The following GPC5 variants were observed in gnomAD, a reference collection of about 807,000 sequenced individuals.
GPC5 encodes the protein glypican-5.
A neutral mutation model predicts 53.9 loss-of-function variants in GPC5; 47 were observed. The observed-to-expected ratio is 0.87, with a 90% CI of 0.69 to 1.11. The LOEUF (loss-of-function observed/expected upper bound fraction) is 1.11. Ranked by LOEUF, GPC5 falls within the 50% of genes most tolerant of loss-of-function variation. The pLI is 0.00. For synonymous variants in GPC5, 286 were observed against 263.3 expected (o/e 1.09, Z -0.84); for missense variants, 748 against 713.1 (o/e 1.05, Z -0.56).
chr13:91,477,316 T>C (rs914225578), intron 2 of GPC5, among the ~76,000 whole-genome samples: 1 of 152,120 alleles, frequency 6.6e-6, no homozygotes, highest in African/African-American at 2.4e-5. Flanking sequence ...GGTAAAATTT[T>C]CAGGGTTTGG....
chr13:91,712,312 GTATATGTGTGTGTGTGTATATA>G (rs1447609793), intron 3 of GPC5, among the ~76,000 whole-genome samples: 6 of 151,426 alleles, frequency 4.0e-5, no homozygotes, highest in Non-Finnish European at 7.4e-5. Flanking sequence ...GTGTGTGTGT[GTATATGTGTGTGTGTGTATATA>G]TATATGTGTG....
At chr13:92,594,940 T>A (rs1394187543) in intron 7 of GPC5, among the ~76,000 whole-genome samples, 2 of 152,252 alleles carry the variant, frequency 1.3e-5, no homozygotes, top group East Asian at 3.8e-4. Context: ...GTAATGTAGC[T>A]AAGTAGGTGT....
intron 7 of GPC5, among the ~76,000 whole-genome samples, chr13:92,820,719 C>G (rs1177521843): frequency 6.6e-6 from 1 of 152,118 alleles, no homozygotes; most frequent in African/African-American, 2.4e-5. Flanking sequence ...GTAGGTTCTT[C>G]CTTCTACCTA....
rs115783640 is a variant in GPC5, at chr13:92,484,459, G to C, written c.1561+339470G>C. On this transcript the variant is annotated intron_variant, in intron 7 of 7. Transcript: ENST00000377067. ...TTATGTACTATACATAATCATGTAG[G>C]CTATATTTGGTTATGCATACTATAT... 420 of 152,090 alleles carry C rather than the reference G, an allele frequency of 2.8e-3. 2 individuals carry two copies. Among genetic ancestry groups the C allele is most frequent in the African/African-American group, 9.9e-3 (409 of 41,494 alleles). 9.4% of individuals were successfully genotyped at this position (152,090 alleles called of 1,614,324 possible). A position where few individuals can be genotyped will look rare whatever the true frequency, so the allele number is the denominator to read the frequency against.
chr13:92,529,060 C>G (rs1194233874), intron 7 of GPC5, among the ~76,000 whole-genome samples: 1 of 152,080 alleles, frequency 6.6e-6, no homozygotes, highest in Non-Finnish European at 1.5e-5. Flanking sequence ...TTTGCATGCT[C>G]TCTTTAAGGT....
At chr13:92,699,106 C>T (rs1310146751) in intron 7 of GPC5, among the ~76,000 whole-genome samples, 1 of 152,030 alleles carries the variant, frequency 6.6e-6, no homozygotes, top group Non-Finnish European at 1.5e-5. Flanking sequence ...AATTTCAGAA[C>T]TTGTTACTGG....
At chr13:91,798,738 C>A (rs991848005) in intron 5 of GPC5, among the ~76,000 whole-genome samples, 15 of 152,028 alleles carry the variant, frequency 9.9e-5, no homozygotes, top group Non-Finnish European at 1.2e-4. Flanking sequence ...CCATTTGACC[C>A]AAATTGCTGG....
chr13:92,192,314 G>A (rs1432859741), intron 7 of GPC5, among the ~76,000 whole-genome samples: 1 of 152,122 alleles, frequency 6.6e-6, no homozygotes, highest in African/African-American at 2.4e-5. Flanking sequence ...CTGATAAATG[G>A]GGAAGGTGTG....
intron 7 of GPC5, among the ~76,000 whole-genome samples, chr13:92,262,730 G>A (rs1178875254): frequency 6.6e-6 from 1 of 152,102 alleles, no homozygotes; most frequent in Non-Finnish European, 1.5e-5. Flanking sequence ...TGTATACAGA[G>A]TTATTCAAAC....
chr13:92,359,103 A>G (rs1422770345), intron 7 of GPC5, among the ~76,000 whole-genome samples: 1 of 151,716 alleles, frequency 6.6e-6, no homozygotes, highest in African/African-American at 2.4e-5. Flanking sequence ...TTGCTCACAA[A>G]TATAAGAATA....
At chr13:91,724,334 A>G (rs1405190446) in intron 3 of GPC5, among the ~76,000 whole-genome samples, 1 of 152,092 alleles carries the variant, frequency 6.6e-6, no homozygotes, top group Admixed American at 6.6e-5. Context: ...AGCATCCCAG[A>G]TGTGGCCTGA....
chr13:92,388,915 T>C (rs951464817), intron 7 of GPC5, among the ~76,000 whole-genome samples: 2 of 152,258 alleles, frequency 1.3e-5, no homozygotes, highest in African/African-American at 4.8e-5. Context: ...AAAATGGTTA[T>C]GGGATAGTGC....
At chr13:91,935,731 G>T (rs969529631) in intron 6 of GPC5, among the ~76,000 whole-genome samples, 1 of 151,914 alleles carries the variant, frequency 6.6e-6, no homozygotes, top group Non-Finnish European at 1.5e-5. Flanking sequence ...AGGAGCATTC[G>T]TTTACCTTTA....
chr13:92,455,343 T>G (rs931698965), intron 7 of GPC5, among the ~76,000 whole-genome samples: 3 of 152,178 alleles, frequency 2.0e-5, no homozygotes, highest in Admixed American at 6.5e-5. Context: ...AAAAAATGAA[T>G]TTCCCCTAAA....
chr13:91,871,908 G>GA (rs2039149491), intron 5 of GPC5, among the ~76,000 whole-genome samples: 1 of 152,028 alleles, frequency 6.6e-6, no homozygotes, highest in Non-Finnish European at 1.5e-5. Context: ...AAGAGTTAAA[G>GA]AAGAAACGCA....
chr13:92,491,687 AAT>A (rs1879767446), intron 7 of GPC5, among the ~76,000 whole-genome samples: 1 of 152,104 alleles, frequency 6.6e-6, no homozygotes, highest in East Asian at 1.9e-4. Flanking sequence ...AGCAACAAGA[AAT>A]ATATTGTCGA....
At chr13:92,296,678 C>T (rs546977460) in intron 7 of GPC5, among the ~76,000 whole-genome samples, 33 of 152,140 alleles carry the variant, frequency 2.2e-4, no homozygotes, top group East Asian at 3.9e-4. Flanking sequence ...GAGGCGCGAG[C>T]GGGAACCGGG....
intron 5 of GPC5, among the ~76,000 whole-genome samples, chr13:91,903,362 G>A (rs1285593795): frequency 1.3e-5 from 2 of 152,048 alleles, no homozygotes; most frequent in African/African-American, 4.8e-5. Flanking sequence ...GAGCATTCAT[G>A]TATCTGTCTT....
At chr13:92,049,480 AC>A (rs2041009858) in intron 6 of GPC5, among the ~76,000 whole-genome samples, 1 of 152,110 alleles carries the variant, frequency 6.6e-6, no homozygotes, top group Admixed American at 6.6e-5. Flanking sequence ...ATAAAAAGAC[AC>A]CAGGAAAGCA....
Sources: gnomAD v4.1 joint callset for allele counts (sites outside exome capture counted in the v4.1 genomes callset) on GRCh38, gnomAD v4.1.1 for gene constraint, MANE v1.5 for transcripts, NCBI Gene and HGNC (gene_info 2026-07-23, HGNC 2026-07-21) for gene names.